KCNS1: variants seen among roughly 807,000 people sequenced by gnomAD.
KCNS1 encodes delayed-rectifier potassium channel regulatory subunit KCNS1.
Under a neutral mutation model 33.1 loss-of-function variants are expected in KCNS1, and 26 were observed. That is an observed-to-expected ratio of 0.79 (90% CI 0.58 to 1.09). The LOEUF (loss-of-function observed/expected upper bound fraction) is 1.09, where lower values mean the gene tolerates loss of function less well. Ranked by LOEUF, KCNS1 falls within the 50% of genes least tolerant of loss-of-function variation. The pLI is 0.00. For synonymous variants in KCNS1, 299 were observed against 338.8 expected, an observed-to-expected ratio of 0.88 and a Z score of 1.29; for missense variants, 702 against 752.4, an observed-to-expected ratio of 0.93 and a Z score of 0.78.
At chr20:45,097,636 C>A in intron 3 of KCNS1, 26 bp downstream of exon 3, 1 of 1,580,720 alleles carries the variant, frequency 6.3e-7, no homozygotes, top group Non-Finnish European at 8.6e-7. Context: ...CCCACCCCAG[C>A]TCCAACCTGG....
chr20:45,095,874 G>T (rs1025804541), intron 3 of KCNS1, among the ~76,000 whole-genome samples: 9 of 152,132 alleles, frequency 5.9e-5, no homozygotes, highest in African/African-American at 1.9e-4. Context: ...TCTCAAACAG[G>T]GTGGTTTTGC....
chr20:45,092,343 A>C lies in KCNS1; in HGVS notation c.*2527T>G, dbSNP rs2145508737. The C allele has an allele frequency of 6.6e-6, 1 of 152,282 alleles. No homozygotes were observed. The highest frequency in any genetic ancestry group is 1.9e-4 in the East Asian group (1 of 5,164). The allele number at this position is 152,282 out of a possible 1,614,324, so 9.4% of individuals were successfully genotyped here. On this transcript the variant is annotated 3_prime_UTR_variant, in exon 4 of 4. Coordinates refer to ENST00000537075, the MANE Select transcript of KCNS1 (RefSeq NM_001322799.2). ...GCTCTTTATTTGCATAATGGTTTTC[A>C]CTGATACATGGGAAGGGGAGCGAGT...
Position 45,095,055 on chromosome 20 carries a change from G to T in KCNS1, c.1396C>A (p.Arg466Ser), listed in dbSNP as rs144534326. 4.3e-6 allele frequency: 7 copies of T among 1,613,834 alleles called. No individual in the cohort carries two copies. In the South Asian group the frequency reaches 7.7e-5, roughly 18 times the overall value. Residue 466 changes from arginine to serine, a missense_variant, in exon 4 of 4, where the codon CGC becomes AGC. By Grantham distance (110) the Arg-to-Ser change is moderately radical. This residue lies in a region of KCNS1 where 253 missense variants were observed against 327.4 expected (regional missense o/e 0.77). Transcript: ENST00000537075. ...ACGGCTGCCTCCAGAGCCTTCTGGC[G>T]CCGGTAGAAGTGGGAGAACTTGTTG... ...IFNKFSHFYR[R>S]QKALEAAVRN...
Position 45,098,840 on chromosome 20 carries a change from A to G in KCNS1, c.77-145T>C. 1 of 787,390 alleles carries G rather than the reference A, an allele frequency of 1.3e-6. No individual in the cohort carries two copies. Among genetic ancestry groups the G allele is most frequent in the Admixed American group, 3.5e-5 (1 of 28,488 alleles). The allele number at this position is 787,390 out of a possible 1,614,324, so 48.8% of individuals were successfully genotyped here. On this transcript the variant is annotated intron_variant, in intron 2 of 3. Coordinates refer to ENST00000537075, the MANE Select transcript of KCNS1 (RefSeq NM_001322799.2). This position sits in a 1 kb window ranked among gnomAD's most constrained non-coding sequence, Gnocchi z 5.2. The stretch of plus-strand genomic sequence containing the variant: ...CTGGTATGCAGGAGGCGCTCAGTAG[A>G]TGTCAGGTGCCCTCTGGACTCAGAG...
In KCNS1 at chr20:45,094,566, TG is replaced by T. The variant is rs764667371; in HGVS notation, c.*303del. 7.2e-6 allele frequency: 2 copies of T among 277,858 alleles called. No homozygotes were observed. The highest frequency in any genetic ancestry group is 1.4e-5 in the Non-Finnish European group (2 of 146,934). The allele number at this position is 277,858 out of a possible 1,614,324, so 17.2% of individuals were successfully genotyped here. ...CTCCAACACAAGGCCAAACATGACC[TG>T]GTTCATGTACAGGAGGTGCTCAGGA... On this transcript the variant is annotated 3_prime_UTR_variant, in exon 4 of 4. Coordinates refer to ENST00000537075, the MANE Select transcript of KCNS1 (RefSeq NM_001322799.2).
chr20:45,097,522 G>T, intron 3 of KCNS1, 140 bp downstream of exon 3: 1 of 799,262 alleles, frequency 1.3e-6, no homozygotes, highest in Non-Finnish European at 2.0e-6. Flanking sequence ...CACCTGGTGT[G>T]CAGCCCTGTG....
In KCNS1 at chr20:45,098,182, G is replaced by T; in HGVS notation, c.590C>A (p.Ala197Glu). ...VQRELARYGA[A>E]RCGRLRRRLW... ...GCGGCGGCGCAGGCGGCCACAGCGC[G>T]CCGCGCCATAGCGCGCCAGTTCTCG... Residue 197 changes from alanine to glutamate, a missense_variant, in exon 3 of 4, where the codon GCG becomes GAG. This residue lies in a region of KCNS1 where 374 missense variants were observed against 352.3 expected (regional missense o/e 1.06). Transcript: ENST00000537075. The surrounding 1 kb of genome is among the most constrained non-coding windows in gnomAD (Gnocchi z 5.2). 6.2e-7 allele frequency: 1 copy of T among 1,603,266 alleles called. No homozygotes were observed. The highest frequency in any genetic ancestry group is 8.5e-7 in the Non-Finnish European group (1 of 1,175,986).
In KCNS1 at chr20:45,098,210, G is replaced by GCACGTCGGAGAT. The variant is rs1459623686; in HGVS notation, c.550_561dup (p.Ile184_Val187dup). The GCACGTCGGAGAT allele has an allele frequency of 6.2e-7, 1 of 1,604,828 alleles. No homozygotes were observed. The highest frequency in any genetic ancestry group is 1.1e-5 in the South Asian group (1 of 90,064). On this transcript the variant is annotated inframe_insertion, in exon 3 of 4. Transcript: ENST00000537075. This position sits in a 1 kb window ranked among gnomAD's most constrained non-coding sequence, Gnocchi z 5.2. ...GCGCCATAGCGCGCCAGTTCTCGCTGCACGTCGGAGATCTCGTCGGGGCAC... is the reference window on the plus strand; with the variant it reads ...GCGCCATAGCGCGCCAGTTCTCGCTGCACGTCGGAGATCACGTCGGAGATCTCGTCGGGGCAC...
rs1202670060 is a variant in KCNS1, at chr20:45,097,994, C to T, written c.778G>A (p.Gly260Ser). The T allele has an allele frequency of 3.3e-6, 5 of 1,531,336 alleles. No individual in the cohort carries two copies. Among genetic ancestry groups the T allele is most frequent in the Non-Finnish European group, 4.4e-6 (5 of 1,140,256 alleles). The allele number at this position is 1,531,336 out of a possible 1,614,324, so 94.9% of individuals were successfully genotyped here. A position where few individuals can be genotyped will look rare whatever the true frequency, so the allele number is the denominator to read the frequency against. The change falls in exon 3 of 4, where the codon GGC (glycine) becomes AGC (serine). Residue 260 changes from glycine (G) to serine (S), a missense_variant. Physicochemically the swap from Gly to Ser is moderately conservative, Grantham distance 56. Around this residue, in one of 3 missense-constraint regions of KCNS1, gnomAD observed 253 missense variants for 327.4 expected, o/e 0.77. Coordinates refer to ENST00000537075, the MANE Select transcript of KCNS1 (RefSeq NM_001322799.2). ...AAAAVAAVAAGRSPEGVRDDP... is the reference protein window; with the variant it reads ...AAAAVAAVAASRSPEGVRDDP... ...TCGCGCACGCCTTCCGGGCTGCGGC[C>T]CGCGGCCACCGCAGCCACGGCGGCC...
chr20:45,097,729 C>G lies in KCNS1; in HGVS notation c.1043G>C (p.Arg348Pro). 1.2e-6 allele frequency: 2 copies of G among 1,612,090 alleles called. No individual in the cohort carries two copies. The highest frequency in any genetic ancestry group is 1.1e-5 in the South Asian group (1 of 91,030). ...GKVVQVFRLM[R>P]IFRVLKLARH... ...CGCCAACTTGAGTACGCGGAAGATG[C>G]GCATGAGGCGGAACACCTGCACCAC... The change falls in exon 3 of 4, where the codon CGC becomes CCC. Residue 348 changes from arginine to proline, a missense_variant. Coordinates refer to ENST00000537075, the MANE Select transcript of KCNS1 (RefSeq NM_001322799.2).
rs752664327 is a variant in KCNS1 at position 45,098,402 on chromosome 20, G to T, written c.370C>A (p.His124Asn). The change falls in exon 3 of 4, where the codon CAC becomes AAC. Residue 124 changes from histidine to asparagine, a missense_variant. His to Asn is a moderately conservative substitution (Grantham distance 68). Around this residue, in one of 3 missense-constraint regions of KCNS1, gnomAD observed 374 missense variants for 352.3 expected, o/e 1.06. Transcript: ENST00000537075. The surrounding 1 kb of genome is among the most constrained non-coding windows in gnomAD (Gnocchi z 5.2). The stretch of plus-strand genomic sequence containing the variant: ...AAGACGCACAGCTCGTCGAGCACGT[G>T]CAGGTGGCCAGTGCGGTAGAAGTGC... The part of the protein sequence containing the change: ...LLHFYRTGHL[H>N]VLDELCVFAF... 2.5e-6 allele frequency: 4 copies of T among 1,595,246 alleles called. No individual in the cohort carries two copies. In the East Asian group the frequency reaches 6.9e-5, roughly 28 times the overall value.
In KCNS1 at chr20:45,098,225, C is replaced by T; in HGVS notation, c.547G>A (p.Glu183Lys). Residue 183 changes from glutamate (E) to lysine (K), a missense_variant, in exon 3 of 4, where the codon GAG becomes AAG. This residue lies in a region of KCNS1 where 374 missense variants were observed against 352.3 expected (regional missense o/e 1.06). Transcript: ENST00000537075. This position sits in a 1 kb window ranked among gnomAD's most constrained non-coding sequence, Gnocchi z 5.2. ...AGTTCTCGCTGCACGTCGGAGATCT[C>T]GTCGGGGCACGGGTCCACGCTGCTC... is the stretch of plus-strand genomic sequence containing the variant. ...TPSSVDPCPD[E>K]ISDVQRELAR... is the part of the protein sequence containing the mutation. 6.2e-7 allele frequency: 1 copy of T among 1,603,908 alleles called. No individual in the cohort carries two copies. The highest frequency in any genetic ancestry group is 8.5e-7 in the Non-Finnish European group (1 of 1,176,266).
chr20:45,095,352 T>G lies in KCNS1; in HGVS notation c.1111-12A>C. 6.2e-7 allele frequency: 1 copy of G among 1,605,802 alleles called. No individual in the cohort carries two copies. Among genetic ancestry groups the G allele is most frequent in the Non-Finnish European group, 8.5e-7 (1 of 1,175,488 alleles). On this transcript the variant is annotated splice_polypyrimidine_tract_variant and intron_variant, in intron 3 of 3. Coordinates refer to ENST00000537075, the MANE Select transcript of KCNS1 (RefSeq NM_001322799.2). ...TCACGGTAGCTGTGCTGAAAGAGAA[T>G]GTAGAAAGCCAAGTCAGAGTGGATG...
Position 45,098,051 on chromosome 20 carries a change from T to A in KCNS1, c.721A>T (p.Ser241Cys). The A allele has an allele frequency of 6.5e-7, 1 of 1,543,630 alleles. No individual in the cohort carries two copies. The highest frequency in any genetic ancestry group is 1.2e-5 in the South Asian group (1 of 83,368). The change falls in exon 3 of 4, where the codon AGC (serine) becomes TGC (cysteine). Residue 241 changes from serine (S) to cysteine (C), a missense_variant. By Grantham distance (112) the Ser-to-Cys change is moderately radical. Around this residue, in one of 3 missense-constraint regions of KCNS1, gnomAD observed 253 missense variants for 327.4 expected, o/e 0.77. Coordinates refer to ENST00000537075, the MANE Select transcript of KCNS1 (RefSeq NM_001322799.2). This position sits in a 1 kb window ranked among gnomAD's most constrained non-coding sequence, Gnocchi z 5.2. ...LASIAAMCIH[S>C]LPEYQAREAA... ...TCGCGGGCCTGGTACTCGGGCAGGCTGTGGATGCACATGGCGGCGATGGAG... is the reference window on the plus strand; with the variant it reads ...TCGCGGGCCTGGTACTCGGGCAGGCAGTGGATGCACATGGCGGCGATGGAG...
chr20:45,097,721 GGAA>G lies in KCNS1; in HGVS notation c.1048_1050del (p.Phe350del). ...GAATGGCGCGCCAACTTGAGTACGC[GGAA>G]GATGCGCATGAGGCGGAACACCTGC... On this transcript the variant is annotated inframe_deletion, in exon 3 of 4. Coordinates refer to ENST00000537075, the MANE Select transcript of KCNS1 (RefSeq NM_001322799.2). 6.2e-7 allele frequency: 1 copy of G among 1,611,984 alleles called. No individual in the cohort carries two copies. Among genetic ancestry groups the G allele is most frequent in the Non-Finnish European group, 8.5e-7 (1 of 1,179,946 alleles).
chr20:45,095,057 C>T lies in KCNS1; in HGVS notation c.1394G>A (p.Arg465Gln), dbSNP rs753817305. 28 of 1,613,790 alleles carry T rather than the reference C, an allele frequency of 1.7e-5. No homozygotes were observed. The highest frequency in any genetic ancestry group is 1.6e-4 in the Middle Eastern group (1 of 6,084). The change falls in exon 4 of 4, where the codon CGG (arginine) becomes CAG (glutamine). Residue 465 changes from arginine (R) to glutamine (Q), a missense_variant. Physicochemically the swap from Arg to Gln is conservative, Grantham distance 43 (BLOSUM62 1). Around this residue, in one of 3 missense-constraint regions of KCNS1, gnomAD observed 253 missense variants for 327.4 expected, o/e 0.77. Transcript: ENST00000537075. ...IIFNKFSHFYRRQKALEAAVR... is the reference protein window; with the variant it reads ...IIFNKFSHFYQRQKALEAAVR... ...GGCTGCCTCCAGAGCCTTCTGGCGC[C>T]GGTAGAAGTGGGAGAACTTGTTGAA...
chr20:45,099,813 T>C (rs1344228297), intron 1 of KCNS1, among the ~76,000 whole-genome samples: 1 of 152,216 alleles, frequency 6.6e-6, no homozygotes, highest in Non-Finnish European at 1.5e-5. Flanking sequence ...ACCCACTGAC[T>C]CCTGACTCTG....
chr20:45,099,954 C>A (rs1981340263), intron 1 of KCNS1, among the ~76,000 whole-genome samples: 1 of 152,232 alleles, frequency 6.6e-6, no homozygotes, highest in South Asian at 2.1e-4. Flanking sequence ...ATTTGGGGTT[C>A]CACCCTTAGC....
chr20:45,100,403 A>C (rs1036406510), intron 1 of KCNS1: 1 of 152,262 alleles, frequency 6.6e-6, no homozygotes, highest in Non-Finnish European at 1.5e-5. Context: ...ATCCAGTTCC[A>C]TCACCCATTA....
Sources: allele counts gnomAD v4.1 joint callset (sites outside exome capture counted in the v4.1 genomes callset), GRCh38; gene constraint gnomAD v4.1.1; regional missense constraint gnomAD v4.1.1; non-coding constraint Gnocchi (gnomAD v3.1); transcripts MANE v1.5; gene names NCBI Gene and HGNC (gene_info 2026-07-23, HGNC 2026-07-21).